Variants in CCM2L observed in about 807,000 individuals in gnomAD.
CCM2L encodes CCM2 like scaffold protein, also known as cerebral cavernous malformations 2 protein-like.
In CCM2L, 36 loss-of-function variants were observed where a neutral mutation model predicts 54.1. That is an observed-to-expected ratio of 0.67 (90% CI 0.51 to 0.88). The LOEUF is 0.88. Among genes scored for constraint, CCM2L ranks in the 40% least tolerant of loss-of-function variants. The pLI, the probability that CCM2L is intolerant of heterozygous loss-of-function variation, is 0.00. For missense variants in CCM2L, 700 were observed against 812.1 expected, an observed-to-expected ratio of 0.86 and a Z score of 1.68; for synonymous variants, 351 against 359.3, an observed-to-expected ratio of 0.98 and a Z score of 0.26.
intron 9 of CCM2L, 112 bp from the exon 10 acceptor site, chr20:32,030,889 C>G (rs1245932452): frequency 1.0e-6 from 1 of 966,136 alleles, no homozygotes; most frequent in Non-Finnish European, 1.4e-6. Flanking sequence ...CAAGGCCACA[C>G]AGCCAGTGAG....
In CCM2L at chr20:32,019,230, G is replaced by T; in HGVS notation, c.754G>T (p.Gly252Ter). ...CAGCGGCAGCTGGGAGCGGCGGCAC[G>T]GAGGCGGCGGCGGCGGCGGCGGCGC... ...TFSGSWERRH[G>*]GGGGGGGAGK... The change falls in exon 5 of 10, where the codon GGA (glycine) becomes TGA (stop). Residue 252 changes from glycine (G) to a stop codon, truncating the protein, a stop_gained. Transcript: ENST00000452892. LOFTEE classifies it high-confidence loss of function. 1 of 1,163,112 alleles carries T rather than the reference G, an allele frequency of 8.6e-7. No homozygotes were observed. The highest frequency in any genetic ancestry group is 1.1e-6 in the Non-Finnish European group (1 of 931,788). 72.0% of individuals were successfully genotyped at this position (1,163,112 alleles called of 1,614,324 possible). A position where few individuals can be genotyped will look rare whatever the true frequency, so the allele number is the denominator to read the frequency against.
intron 1 of CCM2L, among the ~76,000 whole-genome samples, chr20:32,012,552 G>A (rs968340909): frequency 5.9e-5 from 9 of 152,138 alleles, no homozygotes; most frequent in Non-Finnish European, 5.9e-5. Context: ...GAGAACCACC[G>A]GTTTAGATCC....
chr20:32,030,949 G>A (rs2064917051), intron 9 of CCM2L, 52 bp from the exon 10 acceptor site: 2 of 1,279,458 alleles, frequency 1.6e-6, no homozygotes, highest in Non-Finnish European at 1.0e-6. Context: ...CTTCCCCTGT[G>A]GAAGGGAAAG....
Position 32,031,535 on chromosome 20 carries a change from G to A in CCM2L, c.*221G>A. The A allele has an allele frequency of 3.2e-6, 1 of 314,262 alleles. No homozygotes were observed. The highest frequency in any genetic ancestry group is 5.9e-6 in the Non-Finnish European group (1 of 168,276). The allele number at this position is 314,262 out of a possible 1,614,324, so 19.5% of individuals were successfully genotyped here. A position where few individuals can be genotyped will look rare whatever the true frequency, so the allele number is the denominator to read the frequency against. ...GCCCTGAAGTCCGGGGCAGTCACCC[G>A]GGGCTCCTGGGCCGCTCTGCCGGGC... On this transcript the variant is annotated 3_prime_UTR_variant, in exon 10 of 10. Transcript: ENST00000452892.
intron 5 of CCM2L, among the ~76,000 whole-genome samples, chr20:32,021,300 C>T (rs2064804923): frequency 6.6e-6 from 1 of 152,220 alleles, no homozygotes. Flanking sequence ...AGCTAACAGT[C>T]ATCCCACTGG....
At chr20:32,018,619 G>T (rs2064764683) in intron 4 of CCM2L, among the ~76,000 whole-genome samples, 1 of 152,064 alleles carries the variant, frequency 6.6e-6, no homozygotes, top group African/African-American at 2.4e-5. Flanking sequence ...TGGGTCCCCA[G>T]TTAAGGCTCC....
intron 1 of CCM2L, among the ~76,000 whole-genome samples, chr20:32,012,174 C>G (rs890352179): frequency 2.0e-5 from 3 of 152,028 alleles, no homozygotes; most frequent in African/African-American, 4.8e-5. Context: ...GCTGAGTACC[C>G]ATAAGAATCA....
intron 5 of CCM2L, among the ~76,000 whole-genome samples, chr20:32,022,246 T>C (rs1285517726): frequency 1.3e-5 from 2 of 152,216 alleles, no homozygotes; most frequent in East Asian, 3.8e-4. Flanking sequence ...AGTAACTATA[T>C]TGAGCCTAAA....
At position 32,031,266 on chromosome 20, in the gene CCM2L, C is replaced by T; in HGVS notation, c.1668C>T (p.Pro556=). Residue 556 remains proline, a synonymous_variant, in exon 10 of 10, where the codon CCC becomes CCT. Coordinates refer to ENST00000452892, the MANE Select transcript of CCM2L (RefSeq NM_001365692.1). ...PDDDDDDEDE[P]RGSRGGSDAA... ...ACGACGACGACGACGAGGATGAGCC[C>T]CGGGGCTCCAGGGGCGGGAGCGACG... The T allele has an allele frequency of 7.7e-7, 1 of 1,296,044 alleles. No homozygotes were observed. The highest frequency in any genetic ancestry group is 1.0e-6 in the Non-Finnish European group (1 of 988,276). 80.3% of individuals were successfully genotyped at this position (1,296,044 alleles called of 1,614,324 possible).
chr20:32,030,858 C>T, intron 9 of CCM2L, 143 bp from the exon 10 acceptor site: 1 of 529,430 alleles, frequency 1.9e-6, no homozygotes, highest in Non-Finnish European at 3.0e-6. Flanking sequence ...TTCGCTGGCT[C>T]AGACAGTTAA....
In CCM2L at chr20:32,019,391, C is replaced by T; in HGVS notation, c.915C>T (p.Ile305=). The change falls in exon 5 of 10, where the codon ATC becomes ATT. Residue 305 remains isoleucine (I), a synonymous_variant. Coordinates refer to ENST00000452892, the MANE Select transcript of CCM2L (RefSeq NM_001365692.1). ...PSPDAYCNLV[I]LAVANRDAAE... ...CCGACGCCTACTGCAACCTGGTCAT[C>T]CTGGCTGTAGCCAACAGGGTGAGCC... 6.5e-7 allele frequency: 1 copy of T among 1,531,152 alleles called. No individual in the cohort carries two copies. Among genetic ancestry groups the T allele is most frequent in the Non-Finnish European group, 8.7e-7 (1 of 1,147,632 alleles). The allele number at this position is 1,531,152 out of a possible 1,614,324, so 94.8% of individuals were successfully genotyped here. A position where few individuals can be genotyped will look rare whatever the true frequency, so the allele number is the denominator to read the frequency against.
At chr20:32,011,375 C>G (rs761239642) in intron 1 of CCM2L, among the ~76,000 whole-genome samples, 1 of 152,096 alleles carries the variant, frequency 6.6e-6, no homozygotes, top group Non-Finnish European at 1.5e-5. Flanking sequence ...GAGGCCGAGG[C>G]GGGTGGATCA....
intron 1 of CCM2L, among the ~76,000 whole-genome samples, chr20:32,010,989 T>A (rs1283887673): frequency 6.6e-6 from 1 of 152,150 alleles, no homozygotes; most frequent in Non-Finnish European, 1.5e-5. Context: ...CCAGAAGCCA[T>A]TCCCCTCACC....
chr20:32,022,967 CTTTTCTT>C (rs1568921364), intron 6 of CCM2L, among the ~76,000 whole-genome samples, 172 bp downstream of exon 6: 1 of 139,694 alleles, frequency 7.2e-6, no homozygotes, highest in Non-Finnish European at 1.5e-5. Context: ...TTTTCTTTTT[CTTTTCTT>C]TTTTCTTTTT....
chr20:32,029,125 G>A lies in CCM2L; in HGVS notation c.1263+1G>A. 6.2e-7 allele frequency: 1 copy of A among 1,614,188 alleles called. No homozygotes were observed. Among genetic ancestry groups the A allele is most frequent in the Non-Finnish European group, 8.5e-7 (1 of 1,180,022 alleles). On this transcript the variant is annotated splice_donor_variant, in intron 8 of 9. Coordinates refer to ENST00000452892, the MANE Select transcript of CCM2L (RefSeq NM_001365692.1). LOFTEE classifies it high-confidence loss of function. ...GCAGTTACAGGATTACATGGTCACG[G>A]TGAGCTGGGGCCGGTGGTGGGAATG... is the stretch of plus-strand genomic sequence containing the variant.
intron 3 of CCM2L, 24 bp downstream of exon 3, chr20:32,017,907 G>A (rs780458019): frequency 1.9e-5 from 30 of 1,613,546 alleles, no homozygotes; most frequent in Non-Finnish European, 2.5e-5. Flanking sequence ...GAGGGAGGAG[G>A]GCAGGATCTC....
intron 5 of CCM2L, among the ~76,000 whole-genome samples, chr20:32,022,284 C>T (rs867474793): frequency 3.3e-5 from 5 of 152,188 alleles, no homozygotes; most frequent in African/African-American, 1.2e-4. Context: ...CATCCCTTCT[C>T]CTACTAGGTG....
intron 9 of CCM2L, among the ~76,000 whole-genome samples, chr20:32,030,080 G>A (rs1600686420): frequency 1.3e-5 from 2 of 152,170 alleles, no homozygotes; most frequent in South Asian, 4.1e-4. Flanking sequence ...CATCCTCACA[G>A]CAAAGCTGCG....
intron 8 of CCM2L, 90 bp from the exon 9 acceptor site, chr20:32,029,610 C>G: frequency 6.8e-7 from 1 of 1,475,702 alleles, no homozygotes; most frequent in South Asian, 1.4e-5. Context: ...CTGGACCAAA[C>G]ATGCCCTTAG....
Sources: allele counts gnomAD v4.1 joint callset (sites outside exome capture counted in the v4.1 genomes callset), GRCh38; gene constraint gnomAD v4.1.1; transcripts MANE v1.5; gene names NCBI Gene and HGNC (gene_info 2026-07-23, HGNC 2026-07-21).